Variants in RPS6KA3 observed in about 807,000 individuals in gnomAD.
RPS6KA3 encodes the protein ribosomal protein S6 kinase alpha-3.
A neutral mutation model predicts 67.2 loss-of-function variants in RPS6KA3; 4 were observed. The ratio of observed to expected loss-of-function variants is 0.06; its 90% CI spans 0.03 to 0.14. RPS6KA3 has a LOEUF of 0.14. Among genes scored for constraint, RPS6KA3 ranks in the 10% least tolerant of loss-of-function variants. RPS6KA3 has a pLI of 1.00. For missense variants in RPS6KA3, 204 were observed against 559.0 expected, an observed-to-expected ratio of 0.36 and a Z score of 6.40; for synonymous variants, 182 against 183.7, an observed-to-expected ratio of 0.99 and a Z score of 0.07.
chrX:20,259,096 T>A (rs1056323683), intron 1 of RPS6KA3, among the ~76,000 whole-genome samples: 2 of 111,706 alleles, frequency 1.8e-5, no homozygotes, highest in Non-Finnish European at 3.8e-5. Context: ...ACCCCAGAGG[T>A]ATTTGTACAT....
chrX:20,180,800 C>A (rs1256230946), intron 10 of RPS6KA3, among the ~76,000 whole-genome samples: 1 of 112,346 alleles, frequency 8.9e-6, no homozygotes, highest in Non-Finnish European at 1.9e-5. Flanking sequence ...ATAAAATAAA[C>A]TTTATGCTTT....
chrX:20,183,196 T>A (rs781780107), intron 10 of RPS6KA3, among the ~76,000 whole-genome samples: 37 of 110,786 alleles, frequency 3.3e-4, no homozygotes, highest in African/African-American at 7.5e-4. Flanking sequence ...TTAAAAAAAA[T>A]TTTTAATTCT....
intron 3 of RPS6KA3, among the ~76,000 whole-genome samples, chrX:20,207,229 C>G (rs2068594500): frequency 9.0e-6 from 1 of 111,606 alleles, no homozygotes; most frequent in African/African-American, 3.3e-5. Context: ...ATCTACAGTA[C>G]TTGGTGACAG....
In RPS6KA3 at chrX:20,231,849, A is replaced by C. The variant is rs113323995; in HGVS notation, c.126+2909T>G. Among the ~76,000 whole-genome samples the C allele has an allele frequency of 2.2e-3, 248 of 111,530 alleles. 2 individuals are homozygous for C. The highest frequency in any genetic ancestry group is 7.8e-3 in the African/African-American group (238 of 30,645). Reference sequence around the variant, plus strand: ...TGTATCTACAAGCCATGGAATGCCAAGGATTGCTGGCAAACACCAGAAGCT... The same window carrying C: ...TGTATCTACAAGCCATGGAATGCCACGGATTGCTGGCAAACACCAGAAGCT... On this transcript the variant is annotated intron_variant, in intron 2 of 21. Coordinates refer to ENST00000379565, the MANE Select transcript of RPS6KA3 (RefSeq NM_004586.3).
At chrX:20,198,877 C>T (rs2068344080) in intron 4 of RPS6KA3, among the ~76,000 whole-genome samples, 2 of 111,451 alleles carry the variant, frequency 1.8e-5, no homozygotes, top group African/African-American at 6.5e-5. Flanking sequence ...TTTTAGGAGT[C>T]TATCTTTTTT....
chrX:20,263,116 G>A (rs990528136), intron 1 of RPS6KA3, among the ~76,000 whole-genome samples: 2 of 111,682 alleles, frequency 1.8e-5, no homozygotes, highest in South Asian at 3.7e-4. Flanking sequence ...ACATTATATT[G>A]TGGCTATTTT....
chrX:20,232,248 TGA>T (rs1218683588), intron 2 of RPS6KA3, among the ~76,000 whole-genome samples: 7 of 109,747 alleles, frequency 6.4e-5, no homozygotes, highest in African/African-American at 2.3e-4. Context: ...AACCAAAGCA[TGA>T]AACCCAGAAG....
rs1429328910 is a variant in RPS6KA3 at position 20,201,971 on chromosome X, T to TTTTTC, written c.325+2046_325+2050dup. On this transcript the variant is annotated intron_variant, in intron 4 of 21. Coordinates refer to ENST00000379565, the MANE Select transcript of RPS6KA3 (RefSeq NM_004586.3). ...TTCCAGCTTGCTCAGGGGTATTTCT[T>TTTTTC]TTTTCTTTTTTTTTTTTTTTTTTTT... Among the ~76,000 whole-genome samples, 2 of 107,183 alleles carry TTTTTC rather than the reference T, an allele frequency of 1.9e-5. 1 individual carries two copies. The highest frequency in any genetic ancestry group is 6.8e-5 in the African/African-American group (2 of 29,287). The allele number at this position is 107,183 out of a possible 115,157, so 93.1% of individuals were successfully genotyped here.
chrX:20,240,389 C>G (rs2147011137), intron 1 of RPS6KA3, among the ~76,000 whole-genome samples: 1 of 98,024 alleles, frequency 1.0e-5, no homozygotes, highest in Non-Finnish European at 2.0e-5. Flanking sequence ...TGTCCAAAAG[C>G]TTACACAATA....
chrX:20,246,667 C>T (rs191588496), intron 1 of RPS6KA3, among the ~76,000 whole-genome samples: 15 of 111,876 alleles, frequency 1.3e-4, no homozygotes, highest in Admixed American at 1.3e-3. Context: ...ACCTCTGTTT[C>T]CCCATCTGTA....
At chrX:20,206,129 G>A (rs758033692) in intron 3 of RPS6KA3, among the ~76,000 whole-genome samples, 5 of 111,538 alleles carry the variant, frequency 4.5e-5, no homozygotes, top group African/African-American at 1.6e-4. Context: ...GAGCAGCAGC[G>A]GTCCCAGCTG....
chrX:20,266,326 C>T (rs963540107), intron 1 of RPS6KA3, among the ~76,000 whole-genome samples: 2 of 111,395 alleles, frequency 1.8e-5, no homozygotes, highest in Admixed American at 1.9e-4. Flanking sequence ...CACTCCAAAC[C>T]CCACGCGCCA....
At chrX:20,175,069 A>T (rs1216171198) in intron 14 of RPS6KA3, 95 bp downstream of exon 14, 2 of 881,939 alleles carry the variant, frequency 2.3e-6, no homozygotes, top group Admixed American at 4.4e-5. Context: ...TGTATTTTAA[A>T]TTGCTCACTT....
At chrX:20,228,987 A>G (rs896556563) in intron 2 of RPS6KA3, among the ~76,000 whole-genome samples, 1 of 112,021 alleles carries the variant, frequency 8.9e-6, no homozygotes, top group African/African-American at 3.2e-5. Context: ...CGAATGTAGC[A>G]GAGTACTTGG....
intron 3 of RPS6KA3, among the ~76,000 whole-genome samples, chrX:20,207,887 T>C (rs779222279): frequency 8.9e-6 from 1 of 112,050 alleles, no homozygotes; most frequent in South Asian, 3.7e-4. Flanking sequence ...GCTAAACTGG[T>C]GCTGTTCTGA....
rs780766651 is a variant in RPS6KA3 at position 20,155,828 on chromosome X, G to C, written c.2100+281C>G. Among the ~76,000 whole-genome samples the C allele has an allele frequency of 1.4e-3, 159 of 112,066 alleles. 1 individual carries two copies. Among genetic ancestry groups the C allele is most frequent in the African/African-American group, 5.0e-3 (153 of 30,832 alleles). ...ATAAAGGCACTAAAGAGACAGGAAG[G>C]CATGCTCTTTAAGTTGGGAAATCCA... On this transcript the variant is annotated intron_variant, in intron 21 of 21. Transcript: ENST00000379565.
chrX:20,234,879 A>G, intron 1 of RPS6KA3, 65 bp from the exon 2 acceptor site: 1 of 880,007 alleles, frequency 1.1e-6, no homozygotes, highest in Non-Finnish European at 1.7e-6. Context: ...AGTTAAATGA[A>G]GGCAGACAAA....
chrX:20,229,049 T>C (rs1314734336), intron 2 of RPS6KA3, among the ~76,000 whole-genome samples: 2 of 111,477 alleles, frequency 1.8e-5, no homozygotes, highest in Admixed American at 9.5e-5. Flanking sequence ...TAGATGTAGT[T>C]AGAATATGGA....
intron 1 of RPS6KA3, among the ~76,000 whole-genome samples, chrX:20,248,939 G>A (rs1424797000): frequency 9.0e-6 from 1 of 111,640 alleles, no homozygotes; most frequent in Non-Finnish European, 1.9e-5. Flanking sequence ...ATACCGAACA[G>A]TTTATTGCCA....
Sources: allele counts gnomAD v4.1 joint callset (sites outside exome capture counted in the v4.1 genomes callset), GRCh38; gene constraint gnomAD v4.1.1; transcripts MANE v1.5; gene names NCBI Gene and HGNC (gene_info 2026-07-23, HGNC 2026-07-21).